The following HPSE2 variants were observed in gnomAD, a reference collection of about 807,000 sequenced individuals.
HPSE2 encodes the protein inactive heparanase-2.
Under a neutral mutation model 60.5 loss-of-function variants are expected in HPSE2, and 38 were observed. The ratio of observed to expected loss-of-function variants is 0.63; its 90% CI spans 0.48 to 0.82. The LOEUF is 0.82. Ranked by LOEUF, HPSE2 falls within the 40% of genes least tolerant of loss-of-function variation. The pLI, the probability that HPSE2 is intolerant of heterozygous loss-of-function variation, is 0.00. For synonymous variants in HPSE2, 295 were observed against 293.2 expected (o/e 1.01, Z -0.06); for missense variants, 713 against 740.4 (o/e 0.96, Z 0.43).
At chr10:99,207,419 A>T (rs1053250432) in intron 2 of HPSE2, among the ~76,000 whole-genome samples, 2 of 152,232 alleles carry the variant, frequency 1.3e-5, no homozygotes, top group African/African-American at 4.8e-5. Flanking sequence ...TGAAAGAAAA[A>T]GATGCTAACT....
intron 6 of HPSE2, among the ~76,000 whole-genome samples, chr10:98,687,817 T>C (rs1947956359): frequency 6.6e-6 from 1 of 152,206 alleles, no homozygotes; most frequent in African/African-American, 2.4e-5. Context: ...CTCATCCTTT[T>C]ATTTTCAATC....
At chr10:98,886,174 A>G (rs1953160066) in intron 3 of HPSE2, among the ~76,000 whole-genome samples, 1 of 152,088 alleles carries the variant, frequency 6.6e-6, no homozygotes, top group East Asian at 1.9e-4. Context: ...TATTTTTGCC[A>G]TAAATTCTCA....
At chr10:98,936,541 GC>G (rs1413248208) in intron 3 of HPSE2, among the ~76,000 whole-genome samples, 1 of 143,206 alleles carries the variant, frequency 7.0e-6, no homozygotes, top group Non-Finnish European at 1.5e-5. Flanking sequence ...GAAGGGAGGT[GC>G]CCCCAACTCC....
At chr10:99,194,296 G>A (rs1848319673) in intron 2 of HPSE2, among the ~76,000 whole-genome samples, 1 of 151,618 alleles carries the variant, frequency 6.6e-6, no homozygotes, top group Admixed American at 6.6e-5. Context: ...AAAGTCTGTA[G>A]CAATAAATAC....
intron 3 of HPSE2, among the ~76,000 whole-genome samples, chr10:98,776,278 C>A (rs1432554658): frequency 2.7e-4 from 37 of 137,052 alleles, no homozygotes; most frequent in Middle Eastern, 3.6e-3. Context: ...ACTAAAAATA[C>A]AAAAAAAAAA....
At chr10:98,516,584 A>T (rs1034371289) in intron 9 of HPSE2, among the ~76,000 whole-genome samples, 4 of 152,238 alleles carry the variant, frequency 2.6e-5, no homozygotes, top group Non-Finnish European at 5.9e-5. Flanking sequence ...GATAAAAATC[A>T]GTCCCATTTT....
intron 3 of HPSE2, among the ~76,000 whole-genome samples, chr10:98,970,808 T>C (rs1955933900): frequency 3.3e-5 from 5 of 152,116 alleles, no homozygotes; most frequent in South Asian, 2.1e-4. Flanking sequence ...ATGAAAGAAG[T>C]TTCCCATGGC....
intron 3 of HPSE2, among the ~76,000 whole-genome samples, chr10:98,875,954 T>C (rs1250804576): frequency 6.6e-6 from 1 of 151,954 alleles, no homozygotes; most frequent in Non-Finnish European, 1.5e-5. Context: ...TCACTCAGCT[T>C]GAATTAAAAA....
intron 2 of HPSE2, among the ~76,000 whole-genome samples, chr10:99,175,196 C>G (rs1398808155): frequency 6.6e-6 from 1 of 152,196 alleles, no homozygotes; most frequent in Admixed American, 6.5e-5. Flanking sequence ...GCCATTTGGG[C>G]AGACACCAAG....
chr10:99,068,882 A>C (rs1842698292), intron 3 of HPSE2, among the ~76,000 whole-genome samples: 1 of 152,188 alleles, frequency 6.6e-6, no homozygotes, highest in African/African-American at 2.4e-5. Context: ...GAAATGAACA[A>C]ATTCCTAGAA....
chr10:98,956,774 G>C lies in HPSE2; in HGVS notation c.610+187464C>G, dbSNP rs1043557907. ...GCAAGGGACGTTGGAAAATATAGTT[G>C]CTCAGCTGTGTGGCAATGTGCCTAA... On this transcript the variant is annotated intron_variant, in intron 3 of 11. Transcript: ENST00000370552. Among the ~76,000 whole-genome samples the C allele has an allele frequency of 2.1e-5, 3 of 145,716 alleles. No individual in the cohort carries two copies. The Admixed American group carries it at 2.1e-4, about 10-fold the overall frequency.
the HPSE2 span, among the ~76,000 whole-genome samples, chr10:99,310,770 G>A: frequency 5.3e-5 from 8 of 152,138 alleles, no homozygotes; most frequent in African/African-American, 1.9e-4. Context: ...GGAACTACAA[G>A]CACGAGCCAC....
intron 3 of HPSE2, among the ~76,000 whole-genome samples, chr10:99,073,540 G>C (rs1396747909): frequency 6.6e-6 from 1 of 152,092 alleles, no homozygotes; most frequent in Non-Finnish European, 1.5e-5. Context: ...TAATACATAG[G>C]TGATGGGTTG....
At chr10:98,956,257 A>C (rs1484347551) in intron 3 of HPSE2, among the ~76,000 whole-genome samples, 2 of 152,192 alleles carry the variant, frequency 1.3e-5, no homozygotes, top group African/African-American at 2.4e-5. Flanking sequence ...CAAACAATAA[A>C]AAAAAGAAAA....
At chr10:98,621,886 G>A (rs1243124985) in intron 7 of HPSE2, among the ~76,000 whole-genome samples, 1 of 152,230 alleles carries the variant, frequency 6.6e-6, no homozygotes, top group African/African-American at 2.4e-5. Flanking sequence ...GCCCAGCCCT[G>A]ATCTCTACAA....
chr10:98,607,429 A>C (rs1463744684), intron 9 of HPSE2, among the ~76,000 whole-genome samples: 1 of 152,192 alleles, frequency 6.6e-6, no homozygotes, highest in Non-Finnish European at 1.5e-5. Context: ...ATGTGCTGTC[A>C]TTAGCACTTT....
chr10:99,266,621 C>A, the HPSE2 span, among the ~76,000 whole-genome samples: 2 of 152,114 alleles, frequency 1.3e-5, no homozygotes, highest in African/African-American at 2.4e-5. Context: ...CCACCCACTG[C>A]CTAATCCTCC....
At chr10:98,697,268 T>C (rs577360549) in intron 5 of HPSE2, among the ~76,000 whole-genome samples, 46 of 152,204 alleles carry the variant, frequency 3.0e-4, no homozygotes, top group Admixed American at 2.4e-3. Context: ...GATTAAAGGG[T>C]ACAGGAGCTG....
At chr10:98,545,354 A>G (rs1313638991) in intron 9 of HPSE2, among the ~76,000 whole-genome samples, 5 of 152,200 alleles carry the variant, frequency 3.3e-5, no homozygotes, top group African/African-American at 1.2e-4. Context: ...ACAACCAAAA[A>G]AGAGAATTTT....
Sources: allele counts gnomAD v4.1 joint callset (sites outside exome capture counted in the v4.1 genomes callset), GRCh38; gene constraint gnomAD v4.1.1; transcripts MANE v1.5; gene names NCBI Gene and HGNC (gene_info 2026-07-23, HGNC 2026-07-21).